OR1F1: variants seen among roughly 807,000 people sequenced by gnomAD.
OR1F1 encodes olfactory receptor 1F1.
For synonymous variants in OR1F1, 184 were observed against 156.7 expected, an observed-to-expected ratio of 1.17 and a Z score of -1.30; for missense variants, 493 against 376.3, an observed-to-expected ratio of 1.31 and a Z score of -2.57.
the OR1F1 span, among the ~76,000 whole-genome samples, chr16:3,193,971 T>G: frequency 6.6e-6 from 1 of 152,170 alleles, no homozygotes; most frequent in Non-Finnish European, 1.5e-5. Context: ...GGATTGTGGG[T>G]TCGAGTTCCA....
chr16:3,189,832 G>C, the OR1F1 span: 1 of 152,182 alleles, frequency 6.6e-6, no homozygotes, highest in Non-Finnish European at 1.5e-5. Context: ...CTATGTTGAC[G>C]CCGCCTACTA....
At chr16:3,190,991 C>T in the OR1F1 span, among the ~76,000 whole-genome samples, 11 of 152,254 alleles carry the variant, frequency 7.2e-5, no homozygotes, top group African/African-American at 2.6e-4. Flanking sequence ...TAAAAGCACA[C>T]AGTAATGGAA....
upstream of OR1F1, chr16:3,204,233 A>G (rs530728442): frequency 1.1e-5 from 18 of 1,570,428 alleles, no homozygotes; most frequent in East Asian, 1.4e-4. Context: ...CTCTGTGTCC[A>G]GGATCCCAGG....
At chr16:3,196,276 G>A in the OR1F1 span, among the ~76,000 whole-genome samples, 3 of 152,216 alleles carry the variant, frequency 2.0e-5, 1 homozygote, top group South Asian at 4.1e-4. Context: ...GTTGAGACAT[G>A]GAGTACTCTC....
chr16:3,204,799 C>G, exon 1 of OR1F1: 1 of 1,614,206 alleles, frequency 6.2e-7, no homozygotes, highest in Non-Finnish European at 8.5e-7. Flanking sequence ...GACTCCCCTA[C>G]TGAAACTCTC....
At chr16:3,198,171 C>CAG in the OR1F1 span, among the ~76,000 whole-genome samples, 1 of 131,120 alleles carries the variant, frequency 7.6e-6, no homozygotes, top group Admixed American at 7.6e-5. Context: ...GAGAGAGAGA[C>CAG]AGAGAGAGAG....
At chr16:3,192,089 C>T in the OR1F1 span, among the ~76,000 whole-genome samples, 1 of 152,196 alleles carries the variant, frequency 6.6e-6, no homozygotes, top group African/African-American at 2.4e-5. Flanking sequence ...CAGAGTCTCG[C>T]TCGGTCGCCC....
At chr16:3,199,753 CT>C (rs1311377811), upstream of OR1F1, among the ~76,000 whole-genome samples, 1 of 152,148 alleles carries the variant, frequency 6.6e-6, no homozygotes, top group Non-Finnish European at 1.5e-5. Context: ...GTGGCTCACA[CT>C]TGTAATCTCT....
the OR1F1 span, among the ~76,000 whole-genome samples, chr16:3,190,987 C>T: frequency 2.0e-5 from 3 of 152,130 alleles, no homozygotes; most frequent in Admixed American, 6.6e-5. Flanking sequence ...GATATAAAAG[C>T]ACACAGTAAT....
At chr16:3,200,752 G>A (rs1392734807), upstream of OR1F1, among the ~76,000 whole-genome samples, 1 of 152,210 alleles carries the variant, frequency 6.6e-6, no homozygotes, top group Non-Finnish European at 1.5e-5. Context: ...CAAGGTGAAT[G>A]CTGAGGCTTA....
chr16:3,205,693 A>G (rs1328344494), downstream of OR1F1, among the ~76,000 whole-genome samples: 1 of 152,172 alleles, frequency 6.6e-6, no homozygotes, highest in African/African-American at 2.4e-5. Flanking sequence ...ATCTCTGAAC[A>G]TAAGCTGTGA....
chr16:3,204,271 G>A (rs1958172267), exon 1 of OR1F1: 1 of 1,610,942 alleles, frequency 6.2e-7, no homozygotes, highest in East Asian at 2.2e-5. Flanking sequence ...CCAGTCGAGT[G>A]TCTCCGAGTT....
At chr16:3,194,350 G>A in the OR1F1 span, among the ~76,000 whole-genome samples, 1 of 152,220 alleles carries the variant, frequency 6.6e-6, no homozygotes, top group South Asian at 2.1e-4. Flanking sequence ...TGGCCCACAC[G>A]TTCCATTTCA....
chr16:3,206,002 T>C (rs529701712), downstream of OR1F1, among the ~76,000 whole-genome samples: 2 of 152,340 alleles, frequency 1.3e-5, no homozygotes, highest in South Asian at 4.1e-4. Flanking sequence ...ATTTTTCTTC[T>C]TGCAGAGAGC....
the OR1F1 span, among the ~76,000 whole-genome samples, chr16:3,190,688 T>A: frequency 1.4e-5 from 2 of 145,010 alleles, no homozygotes; most frequent in South Asian, 4.4e-4. Context: ...GAGATGGGGG[T>A]TGCAGTGAGC....
chr16:3,195,392 G>T, the OR1F1 span, among the ~76,000 whole-genome samples: 5 of 151,582 alleles, frequency 3.3e-5, no homozygotes, highest in South Asian at 1.0e-3. Context: ...TCAAATGCGG[G>T]CGTCCATCCC....
chr16:3,197,214 T>A, the OR1F1 span, among the ~76,000 whole-genome samples: 1 of 151,450 alleles, frequency 6.6e-6, no homozygotes, highest in Non-Finnish European at 1.5e-5. Context: ...AGACGGGGTT[T>A]CACCATGTTG....
exon 1 of OR1F1, chr16:3,205,070 C>G (rs761830404): frequency 6.2e-7 from 1 of 1,613,988 alleles, no homozygotes; most frequent in South Asian, 1.1e-5. Context: ...ACTATGGCTA[C>G]TGTGTTGTAT....
downstream of OR1F1, among the ~76,000 whole-genome samples, chr16:3,205,628 G>A (rs1171869983): frequency 6.6e-6 from 1 of 152,242 alleles, no homozygotes; most frequent in Admixed American, 6.5e-5. Context: ...ATATGGACAT[G>A]TATCGGTTCC....
Sources: allele counts gnomAD v4.1 joint callset (sites outside exome capture counted in the v4.1 genomes callset), GRCh38; gene constraint gnomAD v4.1.1; transcripts MANE v1.5; gene names NCBI Gene and HGNC (gene_info 2026-07-23, HGNC 2026-07-21).